HLA-DPA1: variants seen among roughly 807,000 people sequenced by gnomAD.
HLA-DPA1 encodes major histocompatibility complex, class II, DP alpha 1, also known as HLA class II histocompatibility antigen, DP alpha 1 chain.
Under a neutral mutation model 21.5 loss-of-function variants are expected in HLA-DPA1, and 20 were observed. The ratio of observed to expected loss-of-function variants is 0.93; its 90% CI spans 0.66 to 1.35. The LOEUF is 1.35. Ranked by LOEUF, HLA-DPA1 falls within the 40% of genes most tolerant of loss-of-function variation. The probability of loss-of-function intolerance (pLI) is 0.00; values close to 1 mark genes in which losing one functional copy is unlikely to be tolerated. For missense variants in HLA-DPA1, 279 were observed against 323.0 expected (o/e 0.86, Z 1.05); for synonymous variants, 123 against 129.6 (o/e 0.95, Z 0.35).
chr6:33,071,851 T>C (rs936015874), intron 2 of HLA-DPA1, among the ~76,000 whole-genome samples: 6 of 152,196 alleles, frequency 3.9e-5, no homozygotes, highest in Non-Finnish European at 8.8e-5. Flanking sequence ...CTGAGTTTAC[T>C]GTGGGGCTAT....
intron 1 of HLA-DPA1, among the ~76,000 whole-genome samples, chr6:33,074,709 A>G (rs1762451574): frequency 6.6e-6 from 1 of 152,174 alleles, no homozygotes; most frequent in Non-Finnish European, 1.5e-5. Context: ...CCTCATTTAA[A>G]CCTCATATTA....
intron 2 of HLA-DPA1, 133 bp from the exon 2 acceptor site, chr6:33,070,019 GGAA>G: frequency 1.4e-6 from 1 of 720,708 alleles, no homozygotes; most frequent in Non-Finnish European, 2.3e-6. Context: ...GGACATATGG[GGAA>G]GAAGAAGGAG....
At chr6:33,066,633 A>G (rs1761968270) in intron 5 of HLA-DPA1, 1 of 152,236 alleles carries the variant, frequency 6.6e-6, no homozygotes, top group Non-Finnish European at 1.5e-5. Context: ...AGTTGCCAGA[A>G]GTCAGATTAG....
intron 1 of HLA-DPA1, among the ~76,000 whole-genome samples, chr6:33,074,536 C>T (rs2150364968): frequency 6.6e-6 from 1 of 152,106 alleles, no homozygotes; most frequent in East Asian, 1.9e-4. Flanking sequence ...TTATTTGATA[C>T]TCATAGAGAA....
chr6:33,075,945 G>T (rs866044577), intron 1 of HLA-DPA1: 1 of 880,176 alleles, frequency 1.1e-6, no homozygotes, highest in Middle Eastern at 2.2e-4. Flanking sequence ...GACTACTTGG[G>T]TTCATGGTCT....
chr6:33,074,908 C>T (rs1762464707), intron 1 of HLA-DPA1, among the ~76,000 whole-genome samples: 1 of 152,206 alleles, frequency 6.6e-6, no homozygotes. Context: ...ACACCTTCTA[C>T]TACATAATTA....
intron 3 of HLA-DPA1, 25 bp from the exon 3 acceptor site, chr6:33,069,325 G>A (rs1403253325): frequency 6.2e-7 from 1 of 1,603,188 alleles, no homozygotes; most frequent in Non-Finnish European, 8.5e-7. Context: ...CACCAGGTTA[G>A]GCCCCTCTTC....
At chr6:33,079,524 C>A in intron 1 of HLA-DPA1, 1 of 369,370 alleles carries the variant, frequency 2.7e-6, no homozygotes, top group South Asian at 2.3e-5. Flanking sequence ...AGGCACCAAT[C>A]AGACTGAAAT....
exon 4 of HLA-DPA1, chr6:33,069,293 A>G (rs753520006): frequency 1.1e-4 from 178 of 1,611,780 alleles, no homozygotes; most frequent in Non-Finnish European, 1.4e-4. Flanking sequence ...CGGTCACCTC[A>G]GGGGGATCTG....
exon 4 of HLA-DPA1, chr6:33,069,067 A>C: frequency 6.2e-7 from 1 of 1,613,072 alleles, no homozygotes; most frequent in South Asian, 1.1e-5. Flanking sequence ...TCCACCCTGC[A>C]GTCATAGAAG....
intron 2 of HLA-DPA1, among the ~76,000 whole-genome samples, chr6:33,070,993 G>T (rs1762248812): frequency 6.6e-6 from 1 of 152,202 alleles, no homozygotes; most frequent in Non-Finnish European, 1.5e-5. Context: ...AGAAAACGAT[G>T]AATGTGTATG....
chr6:33,069,208 C>T (rs1380510027), exon 4 of HLA-DPA1: 5 of 1,612,884 alleles, frequency 3.1e-6, no homozygotes, highest in Non-Finnish European at 4.2e-6. Flanking sequence ...ACGTTGAGCA[C>T]TGGTGGGAAG....
At position 33,069,636 on chromosome 6, in the gene HLA-DPA1, C is replaced by T. The variant is rs116509985; in HGVS notation, c.346+5G>A. ...TACAGAGGAAGAGGCAAAGATAGGG[C>T]GTACCGTTGGTGGCCTGAGTGTGGT... On this transcript the variant is annotated splice_donor_5th_base_variant and intron_variant, in intron 3 of 5. Transcript: ENST00000419277. 76 of 1,608,604 alleles carry T rather than the reference C, an allele frequency of 4.7e-5. No homozygotes were observed. The highest frequency in any genetic ancestry group is 6.7e-5 in the East Asian group (3 of 44,744).
At chr6:33,077,370 A>T (rs2213307) in intron 1 of HLA-DPA1, among the ~76,000 whole-genome samples, 62,042 of 151,696 alleles carry the variant, frequency 0.41, 13,295 homozygotes, top group African/African-American at 0.5. Flanking sequence ...ATAGTGCCGC[A>T]ATAAACATAT....
At position 33,068,734 on chromosome 6, in the gene HLA-DPA1, G is replaced by C. The variant is rs755432204; in HGVS notation, c.699C>G (p.Gly233=). 3.1e-6 allele frequency: 5 copies of C among 1,612,814 alleles called. 1 individual carries two copies. In the Admixed American group the frequency reaches 8.3e-5, roughly 27 times the overall value. Reference sequence around the variant, plus strand: ...CGGTGCCCACGATGATGCCGACTAGGCCCAGCACCAGGCCCAGGGCACAGA... The same window carrying C: ...CGGTGCCCACGATGATGCCGACTAGCCCCAGCACCAGGCCCAGGGCACAGA... The change falls in exon 5 of 6, where the codon GGC becomes GGG. Residue 233 remains glycine (G), a synonymous_variant. Coordinates refer to ENST00000419277, the Ensembl canonical transcript of HLA-DPA1.
At chr6:33,079,228 G>A (rs139634862) in intron 1 of HLA-DPA1, among the ~76,000 whole-genome samples, 18 of 152,342 alleles carry the variant, frequency 1.2e-4, no homozygotes, top group Admixed American at 2.6e-4. Flanking sequence ...TCCCCAGTGT[G>A]CCCAAGAACA....
intron 2 of HLA-DPA1, among the ~76,000 whole-genome samples, chr6:33,070,460 A>G (rs72879618): frequency 0.29 from 43,822 of 151,838 alleles, 8,328 homozygotes; most frequent in East Asian, 0.69. Flanking sequence ...GGGTGGGGGA[A>G]TGGACATTTT....
At chr6:33,078,135 G>C (rs1371547906) in intron 1 of HLA-DPA1, among the ~76,000 whole-genome samples, 2 of 152,110 alleles carry the variant, frequency 1.3e-5, no homozygotes, top group Non-Finnish European at 2.9e-5. Context: ...ACCCAGAGGT[G>C]GGGGAGCAGA....
chr6:33,074,958 C>T (rs1762466598), intron 1 of HLA-DPA1, among the ~76,000 whole-genome samples: 1 of 152,186 alleles, frequency 6.6e-6, no homozygotes, highest in Admixed American at 6.5e-5. Context: ...CTTCTATTTA[C>T]ATTTTAATAT....
Sources: gnomAD v4.1 joint callset for allele counts (sites outside exome capture counted in the v4.1 genomes callset) on GRCh38, gnomAD v4.1.1 for gene constraint, MANE v1.5 for transcripts, NCBI Gene and HGNC (gene_info 2026-07-23, HGNC 2026-07-21) for gene names.